Variants in METTL14 observed in about 807,000 individuals in gnomAD.
METTL14 encodes the protein methyltransferase 14, N6-adenosine-methyltransferase non-catalytic subunit, also known as N(6)-adenosine-methyltransferase non-catalytic subunit METTL14.
Under a neutral mutation model 62.4 loss-of-function variants are expected in METTL14, and 32 were observed. That is an observed-to-expected ratio of 0.51 (90% CI 0.39 to 0.69). METTL14 has a LOEUF of 0.69. Ranked by LOEUF, METTL14 falls within the 30% of genes least tolerant of loss-of-function variation. The pLI, the probability that METTL14 is intolerant of heterozygous loss-of-function variation, is 0.00. For synonymous variants in METTL14, 150 were observed against 180.0 expected, an observed-to-expected ratio of 0.83 and a Z score of 1.34; for missense variants, 340 against 551.9, an observed-to-expected ratio of 0.62 and a Z score of 3.85.
At chr4:118,702,532 T>C (rs1347600294) in intron 8 of METTL14, among the ~76,000 whole-genome samples, 1 of 152,080 alleles carries the variant, frequency 6.6e-6, no homozygotes, top group African/African-American at 2.4e-5. Context: ...TCCCAGCACT[T>C]TGAGAGACAG....
chr4:118,706,750 AGTGTTCAG>A (rs1416523885), intron 10 of METTL14, among the ~76,000 whole-genome samples: 7 of 152,200 alleles, frequency 4.6e-5, no homozygotes, highest in Non-Finnish European at 7.3e-5. Flanking sequence ...TGGTGTTGTC[AGTGTTCAG>A]GATTTTGGCA....
chr4:118,695,478 G>C (rs1037813714), intron 6 of METTL14, among the ~76,000 whole-genome samples: 4 of 152,026 alleles, frequency 2.6e-5, no homozygotes, highest in Admixed American at 2.6e-4. Flanking sequence ...GAATCTAGGA[G>C]GCAGAGGTTG....
chr4:118,689,485 G>T, intron 3 of METTL14, 28 bp downstream of exon 3: 1 of 1,282,284 alleles, frequency 7.8e-7, no homozygotes, highest in Non-Finnish European at 1.1e-6. Flanking sequence ...TAAGTTTATG[G>T]TCAAAGAAAA....
chr4:118,696,648 ATAACT>A (rs751006784), intron 6 of METTL14, among the ~76,000 whole-genome samples: 22 of 152,190 alleles, frequency 1.4e-4, no homozygotes, highest in Non-Finnish European at 2.2e-4. Flanking sequence ...AAGGCCAGTA[ATAACT>A]TATATTAGGT....
intron 1 of METTL14, 127 bp downstream of exon 1, chr4:118,685,727 C>A: frequency 1.3e-6 from 1 of 775,126 alleles, no homozygotes; most frequent in Non-Finnish European, 2.2e-6. Flanking sequence ...TCTGGTCCTG[C>A]GATCTTGATC....
intron 2 of METTL14, among the ~76,000 whole-genome samples, chr4:118,688,305 C>T (rs902123323): frequency 6.6e-6 from 1 of 152,046 alleles, no homozygotes; most frequent in Non-Finnish European, 1.5e-5. Context: ...GACATGGTGG[C>T]GGGCTCCTGT....
intron 7 of METTL14, 142 bp from the exon 8 acceptor site, chr4:118,700,408 T>G: frequency 3.3e-6 from 2 of 606,710 alleles, no homozygotes; most frequent in East Asian, 6.0e-5. Flanking sequence ...AAGGATAACA[T>G]TTATTTTCTG....
Position 118,714,487 on chromosome 4 carries a change from A to G in METTL14, c.*4185A>G, listed in dbSNP as rs1560888128. ...GAGATGTTCATGTGCATTTCCCTAC[A>G]TTTTAGAGGTTGACAAAATAGTTTG... On this transcript the variant is annotated 3_prime_UTR_variant, in exon 11 of 11. Transcript: ENST00000388822. 2 of 152,210 alleles carry G rather than the reference A, an allele frequency of 1.3e-5. No individual in the cohort carries two copies. The highest frequency in any genetic ancestry group is 4.1e-4 in the South Asian group (2 of 4,830). The allele number at this position is 152,210 out of a possible 1,614,324, so 9.4% of individuals were successfully genotyped here.
At position 118,705,817 on chromosome 4, in the gene METTL14, A is replaced by T. The variant is rs766930416; in HGVS notation, c.1062A>T (p.Arg354=). ...TATTTGGAAGAGATAGTACAATTCGACCAGGTAGGACCTCAGTTAACAACA... is the reference window on the plus strand; with the variant it reads ...TATTTGGAAGAGATAGTACAATTCGTCCAGGTAGGACCTCAGTTAACAACA... ...LHLFGRDSTI[R]PGWLTVGPTL... Residue 354 remains arginine, a synonymous_variant, in exon 10 of 11, where the codon CGA becomes CGT. Transcript: ENST00000388822. The T allele has an allele frequency of 6.8e-6, 11 of 1,609,728 alleles. No individual in the cohort carries two copies. The South Asian group carries it at 7.7e-5, about 11-fold the overall frequency.
At chr4:118,701,318 G>T (rs1724583798) in intron 8 of METTL14, among the ~76,000 whole-genome samples, 1 of 151,256 alleles carries the variant, frequency 6.6e-6, no homozygotes. Flanking sequence ...CCTCCTAATA[G>T]CTGGGACCAC....
chr4:118,698,484 A>G (rs772013342), intron 7 of METTL14, among the ~76,000 whole-genome samples: 6 of 150,496 alleles, frequency 4.0e-5, no homozygotes, highest in Non-Finnish European at 7.4e-5. Context: ...AAAATTTTGG[A>G]AAAAGGAGAG....
chr4:118,705,540 A>G (rs763523990), intron 9 of METTL14, 71 bp from the exon 10 acceptor site: 4 of 1,184,826 alleles, frequency 3.4e-6, no homozygotes, highest in Non-Finnish European at 5.0e-6. Flanking sequence ...AATTGAGGAC[A>G]TCAGAAATGT....
At chr4:118,705,035 G>A (rs969512999) in intron 9 of METTL14, among the ~76,000 whole-genome samples, 1 of 152,106 alleles carries the variant, frequency 6.6e-6, no homozygotes, top group African/African-American at 2.4e-5. Context: ...GCTTGGTATG[G>A]GAAAAACCCA....
intron 10 of METTL14, among the ~76,000 whole-genome samples, chr4:118,708,008 TAG>T (rs763450450): frequency 5.3e-5 from 8 of 152,016 alleles, no homozygotes; most frequent in Non-Finnish European, 7.4e-5. Context: ...GTATTTTTAG[TAG>T]AGATGATGTT....
intron 8 of METTL14, among the ~76,000 whole-genome samples, chr4:118,703,703 A>G (rs1240877131): frequency 1.3e-5 from 2 of 152,212 alleles, no homozygotes; most frequent in Non-Finnish European, 2.9e-5. Flanking sequence ...TTGATATTTA[A>G]CTATATATAT....
intron 6 of METTL14, among the ~76,000 whole-genome samples, chr4:118,696,143 A>AAAAAAAAAAAAAAG: frequency 6.6e-6 from 1 of 150,686 alleles, no homozygotes; most frequent in Non-Finnish European, 1.5e-5. Context: ...AAAAAAAAAA[A>AAAAAAAAAAAAAAG]AATTGTATTC....
chr4:118,696,533 C>A (rs1038034091), intron 6 of METTL14, among the ~76,000 whole-genome samples: 2 of 152,046 alleles, frequency 1.3e-5, no homozygotes, highest in Admixed American at 6.6e-5. Context: ...TATAGTGAGA[C>A]CTTGTCTCAA....
chr4:118,694,631 T>G, intron 6 of METTL14, 105 bp downstream of exon 6: 1 of 793,840 alleles, frequency 1.3e-6, no homozygotes, highest in East Asian at 2.7e-5. Context: ...GCACTTATGT[T>G]AACATGCTTT....
At chr4:118,696,147 T>TAGG (rs1560879799) in intron 6 of METTL14, among the ~76,000 whole-genome samples, 1 of 109,968 alleles carries the variant, frequency 9.1e-6, no homozygotes, top group African/African-American at 2.9e-5. Flanking sequence ...AAAAAAAAAT[T>TAGG]GTATTCTGTA....
Sources: gnomAD v4.1 joint callset for allele counts (sites outside exome capture counted in the v4.1 genomes callset) on GRCh38, gnomAD v4.1.1 for gene constraint, MANE v1.5 for transcripts, NCBI Gene and HGNC (gene_info 2026-07-23, HGNC 2026-07-21) for gene names.